The following NELL2 variants were observed in gnomAD, a reference collection of about 807,000 sequenced individuals.
The protein encoded by NELL2 is protein kinase C-binding protein NELL2.
A neutral mutation model predicts 109.6 loss-of-function variants in NELL2; 41 were observed. That is an observed-to-expected ratio of 0.37 (90% CI 0.29 to 0.49). The LOEUF is 0.49. Among genes scored for constraint, NELL2 ranks in the 20% least tolerant of loss-of-function variants. The probability of loss-of-function intolerance (pLI) is 0.98; values close to 1 mark genes in which losing one functional copy is unlikely to be tolerated. For synonymous variants in NELL2, 355 were observed against 344.7 expected, an observed-to-expected ratio of 1.03 and a Z score of -0.33; for missense variants, 900 against 1,008.3, an observed-to-expected ratio of 0.89 and a Z score of 1.45.
rs532461581 is a variant in NELL2, at chr12:44,695,015, A to G, written c.1318+8711T>C. Reference sequence around the variant, plus strand: ...GAAAAAAAGAGAAGAAAGGAGGCCAAAGGGGTAAAAGGAAAAAATGAAGGA... The same window carrying G: ...GAAAAAAAGAGAAGAAAGGAGGCCAGAGGGGTAAAAGGAAAAAATGAAGGA... On this transcript the variant is annotated intron_variant, in intron 12 of 19. Coordinates refer to ENST00000429094, the MANE Select transcript of NELL2 (RefSeq NM_001145108.2). Among the ~76,000 whole-genome samples, 341 of 151,022 alleles carry G rather than the reference A, an allele frequency of 2.3e-3. 2 individuals are homozygous for G. The highest frequency in any genetic ancestry group is 7.8e-3 in the African/African-American group (322 of 41,082).
chr12:44,697,352 A>G (rs1175087173), intron 12 of NELL2, among the ~76,000 whole-genome samples: 3 of 152,072 alleles, frequency 2.0e-5, no homozygotes, highest in African/African-American at 7.2e-5. Context: ...CCACTCACAC[A>G]CACCCACAGT....
At chr12:44,772,645 T>C (rs955077499) in intron 9 of NELL2, among the ~76,000 whole-genome samples, 1 of 152,250 alleles carries the variant, frequency 6.6e-6, no homozygotes, top group Non-Finnish European at 1.5e-5. Flanking sequence ...TTCAAATCTT[T>C]GAAATAACAA....
At chr12:44,762,646 C>G (rs1337024071) in intron 9 of NELL2, among the ~76,000 whole-genome samples, 1 of 152,208 alleles carries the variant, frequency 6.6e-6, no homozygotes, top group Non-Finnish European at 1.5e-5. Flanking sequence ...CCTTTCACAA[C>G]ATGACACCTC....
Position 44,699,353 on chromosome 12 carries a change from C to T in NELL2, c.1318+4373G>A, listed in dbSNP as rs1032079957. Among the ~76,000 whole-genome samples the T allele has an allele frequency of 2.0e-5, 3 of 151,934 alleles. No individual in the cohort carries two copies. The East Asian group carries it at 5.8e-4, about 29-fold the overall frequency. ...TAGATCCCTTATAGGAAAAGCTAGA[C>T]AAGCCATGCTGTTATAAAATCCTAA... is the stretch of plus-strand genomic sequence containing the variant. On this transcript the variant is annotated intron_variant, in intron 12 of 19. Coordinates refer to ENST00000429094, the MANE Select transcript of NELL2 (RefSeq NM_001145108.2).
upstream of NELL2, chr12:44,876,336 C>A (rs1351383956): frequency 8.4e-7 from 1 of 1,184,532 alleles, no homozygotes; most frequent in Non-Finnish European, 1.0e-6. Flanking sequence ...CCGGGAGACG[C>A]GCGGAGAGAC....
chr12:44,588,166 G>A lies in NELL2; in HGVS notation c.1663+19003C>T, dbSNP rs563544100. 6.1e-3 allele frequency among the ~76,000 whole-genome samples: 843 copies of A among 139,186 alleles called. 8 individuals are homozygous for A. Among genetic ancestry groups the A allele is most frequent in the African/African-American group, 0.022 (818 of 37,826 alleles). 91.3% of individuals were successfully genotyped at this position (139,186 alleles called of 152,430 possible). ...AGCCTGGGTGACAGAGCAAGACTCCGTCTCAAAAAAAAAAAAAAAAGTTGG... is the reference window on the plus strand; with the variant it reads ...AGCCTGGGTGACAGAGCAAGACTCCATCTCAAAAAAAAAAAAAAAAGTTGG... On this transcript the variant is annotated intron_variant, in intron 15 of 19. Coordinates refer to ENST00000429094, the MANE Select transcript of NELL2 (RefSeq NM_001145108.2).
intron 15 of NELL2, among the ~76,000 whole-genome samples, chr12:44,602,518 T>G (rs1439749455): frequency 1.3e-5 from 2 of 152,192 alleles, no homozygotes; most frequent in African/African-American, 4.8e-5. Flanking sequence ...AAAATAAAAC[T>G]AAAAAATTCT....
At chr12:44,563,087 G>T (rs1943528846) in intron 15 of NELL2, among the ~76,000 whole-genome samples, 1 of 152,082 alleles carries the variant, frequency 6.6e-6, no homozygotes, top group Admixed American at 6.6e-5. Context: ...AACACCACAT[G>T]TTCTCACTCA....
intron 12 of NELL2, among the ~76,000 whole-genome samples, chr12:44,675,444 T>A (rs1435688358): frequency 6.6e-6 from 1 of 152,142 alleles, no homozygotes; most frequent in Non-Finnish European, 1.5e-5. Context: ...TAAACAGTGT[T>A]TCTTATACTT....
At position 44,887,636 on chromosome 12, in the gene NELL2, T is replaced by TTGTGTGTGTG. The variant is rs141640366; in HGVS notation, c.39-11746_39-11737dup. Among the ~76,000 whole-genome samples the TTGTGTGTGTG allele has an allele frequency of 4.9e-3, 732 of 149,226 alleles. 9 individuals carry two copies. The highest frequency in any genetic ancestry group is 0.017 in the African/African-American group (681 of 40,498). On this transcript the variant is annotated intron_variant, in intron 1 of 20. Coordinates refer to the NELL2 transcript ENST00000333837. Reference sequence around the variant, plus strand: ...AATTATTTGGGGTTTGGGGGGATTATTGTGTGTGTGTGTGTGTGTGTGTTG... The same window carrying TTGTGTGTGTG: ...AATTATTTGGGGTTTGGGGGGATTATTGTGTGTGTGTGTGTGTGTGTGTGTGTGTGTGTTG...
At chr12:44,722,018 A>G (rs913613946) in intron 9 of NELL2, among the ~76,000 whole-genome samples, 3 of 152,172 alleles carry the variant, frequency 2.0e-5, no homozygotes. Context: ...AGAGGAGGGA[A>G]GAGAGAGCAG....
At chr12:44,851,396 A>G (rs1944530709) in intron 2 of NELL2, among the ~76,000 whole-genome samples, 1 of 152,220 alleles carries the variant, frequency 6.6e-6, no homozygotes, top group Non-Finnish European at 1.5e-5. Context: ...ATAATGAAAT[A>G]TTAAATGTTC....
intron 12 of NELL2, among the ~76,000 whole-genome samples, chr12:44,699,078 T>C (rs375979174): frequency 1.6e-4 from 24 of 152,152 alleles, no homozygotes; most frequent in East Asian, 1.5e-3. Flanking sequence ...TAATTTTCAG[T>C]GTCAAGTGAA....
At chr12:44,587,532 A>G (rs1157737057) in intron 15 of NELL2, among the ~76,000 whole-genome samples, 4 of 152,050 alleles carry the variant, frequency 2.6e-5, no homozygotes, top group Middle Eastern at 3.4e-3. Context: ...CTTTTCTATT[A>G]ATGTCTAATA....
intron 13 of NELL2, among the ~76,000 whole-genome samples, chr12:44,629,469 C>A (rs1281124784): frequency 6.6e-6 from 1 of 152,026 alleles, no homozygotes; most frequent in Admixed American, 6.6e-5. Flanking sequence ...CAGTAATAAA[C>A]CAGCAGCAAA....
chr12:44,839,761 A>G (rs1445607503), intron 2 of NELL2, among the ~76,000 whole-genome samples: 1 of 152,196 alleles, frequency 6.6e-6, no homozygotes, highest in African/African-American at 2.4e-5. Context: ...GAAAAAGACC[A>G]TAAGAATGCT....
intron 13 of NELL2, among the ~76,000 whole-genome samples, chr12:44,659,511 A>T (rs946285389): frequency 4.6e-5 from 7 of 152,314 alleles, no homozygotes; most frequent in Non-Finnish European, 1.0e-4. Context: ...GAATAAAAGC[A>T]AACAACTCCA....
At chr12:44,607,295 C>T in intron 14 of NELL2, 31 bp from the exon 15 acceptor site, 1 of 1,579,030 alleles carries the variant, frequency 6.3e-7, no homozygotes, top group Non-Finnish European at 8.7e-7. Context: ...GATTTTAGCA[C>T]TTTAGAAGTA....
intron 1 of NELL2, among the ~76,000 whole-genome samples, chr12:44,909,697 G>C (rs532450591): frequency 1.3e-5 from 2 of 150,926 alleles, no homozygotes; most frequent in South Asian, 2.1e-4. Flanking sequence ...ATACTATAAG[G>C]CTACAGTACT....
Sources: allele counts gnomAD v4.1 joint callset (sites outside exome capture counted in the v4.1 genomes callset), GRCh38; gene constraint gnomAD v4.1.1; transcripts MANE v1.5; gene names NCBI Gene and HGNC (gene_info 2026-07-23, HGNC 2026-07-21).